PLEKHS1: variants seen among roughly 807,000 people sequenced by gnomAD.
PLEKHS1 encodes pleckstrin homology domain-containing family S member 1.
Under a neutral mutation model 51.0 loss-of-function variants are expected in PLEKHS1, and 55 were observed. That is an observed-to-expected ratio of 1.08 (90% CI 0.87 to 1.35). The LOEUF (loss-of-function observed/expected upper bound fraction) is 1.35. Among genes scored for constraint, PLEKHS1 ranks in the 40% most tolerant of loss-of-function variants. The pLI is 0.00. For synonymous variants in PLEKHS1, 153 were observed against 144.8 expected (o/e 1.06, Z -0.41); for missense variants, 398 against 423.0 (o/e 0.94, Z 0.52).
chr10:113,755,173 CCTGATACTCACTGACCAGCGGTG>C, intron 1 of PLEKHS1, 63 bp from the exon 2 acceptor site: 1 of 1,433,284 alleles, frequency 7.0e-7, no homozygotes. Context: ...TGAGCACAAT[CCTGATACTCACTGACCAGCGGTG>C]GCTGGTCAAT....
chr10:113,752,080 G>A (rs1226971360), intron 1 of PLEKHS1, among the ~76,000 whole-genome samples: 1 of 152,074 alleles, frequency 6.6e-6, no homozygotes. Flanking sequence ...TGGGGGCAAT[G>A]ACAAGAAAAA....
chr10:113,764,244 G>C (rs780739777), intron 2 of PLEKHS1, among the ~76,000 whole-genome samples: 6 of 152,030 alleles, frequency 3.9e-5, no homozygotes, highest in Non-Finnish European at 8.8e-5. Context: ...GGGACTACAG[G>C]CTTGCACCAC....
chr10:113,759,529 C>T (rs903899748), intron 2 of PLEKHS1, among the ~76,000 whole-genome samples: 3 of 152,212 alleles, frequency 2.0e-5, no homozygotes, highest in Non-Finnish European at 4.4e-5. Flanking sequence ...TGGAATCATA[C>T]AGCATACACC....
rs7895622 is a variant in PLEKHS1 at position 113,768,856 on chromosome 10, G to A, written c.401G>A (p.Arg134His). The change falls in exon 6 of 12, where the codon CGC becomes CAC. Residue 134 changes from arginine to histidine, a missense_variant. Coordinates refer to ENST00000361048, the Ensembl canonical transcript of PLEKHS1. ...TGGGTCTCCTTCATGTCATCATTTC[G>A]CCAGGATATAAAAGCAACACAGCAG... 6.8e-4 allele frequency: 1,104 copies of A among 1,613,478 alleles called. 9 individuals are homozygous for A. The African/African-American group carries it at 0.013, about 18-fold the overall frequency.
chr10:113,751,831 G>A (rs973641618), intron 1 of PLEKHS1, 70 bp downstream of exon 1: 2 of 152,188 alleles, frequency 1.3e-5, no homozygotes, highest in African/African-American at 4.8e-5. Flanking sequence ...TTTTGCAATT[G>A]AACAATTGCA....
intron 8 of PLEKHS1, among the ~76,000 whole-genome samples, chr10:113,773,451 A>AGT (rs1844508018): frequency 6.6e-6 from 1 of 152,218 alleles, no homozygotes; most frequent in Non-Finnish European, 1.5e-5. Context: ...TAAATAAGTA[A>AGT]AAAAACTATG....
chr10:113,754,106 C>A (rs1853983195), intron 1 of PLEKHS1, among the ~76,000 whole-genome samples: 1 of 152,144 alleles, frequency 6.6e-6, no homozygotes. Context: ...CTGCACCCAG[C>A]CTGAATATAT....
At chr10:113,760,809 A>C (rs1337911753) in intron 2 of PLEKHS1, among the ~76,000 whole-genome samples, 1 of 152,082 alleles carries the variant, frequency 6.6e-6, no homozygotes, top group Non-Finnish European at 1.5e-5. Context: ...AAAGTTTTTA[A>C]TTTTGATGAA....
intron 2 of PLEKHS1, among the ~76,000 whole-genome samples, chr10:113,762,524 T>A (rs1469596491): frequency 3.3e-5 from 5 of 151,906 alleles, no homozygotes; most frequent in Non-Finnish European, 5.9e-5. Flanking sequence ...CATCCACAAA[T>A]TCTGATACCT....
intron 7 of PLEKHS1, among the ~76,000 whole-genome samples, chr10:113,770,834 G>T (rs1313837250): frequency 2.0e-5 from 3 of 152,096 alleles, no homozygotes; most frequent in Non-Finnish European, 2.9e-5. Context: ...TCACACTATA[G>T]ATCCAGTGAT....
intron 2 of PLEKHS1, among the ~76,000 whole-genome samples, chr10:113,757,540 G>A (rs558146584): frequency 1.1e-4 from 16 of 152,326 alleles, no homozygotes; most frequent in African/African-American, 3.8e-4. Context: ...AATTATCTGA[G>A]CCTTCAGTGA....
At chr10:113,782,437 G>A (rs927750409), downstream of PLEKHS1, 1 of 152,114 alleles carries the variant, frequency 6.6e-6, no homozygotes, top group African/African-American at 2.4e-5. Flanking sequence ...ATGCTGATAC[G>A]GTTTGGATCT....
At chr10:113,776,619 T>C (rs894491299) in intron 11 of PLEKHS1, among the ~76,000 whole-genome samples, 11 of 152,202 alleles carry the variant, frequency 7.2e-5, no homozygotes, top group Admixed American at 4.6e-4. Flanking sequence ...CATTTATTTG[T>C]TCATTATATA....
chr10:113,775,717 G>A lies in PLEKHS1; in HGVS notation c.990-48G>A, dbSNP rs570947395. ...GTCTACTCAGAAAGTACAGTTGAGA[G>A]CCAAGGTCAGTTGCCTGATGTGACT... On this transcript the variant is annotated intron_variant, in intron 10 of 11. Transcript: ENST00000361048. The A allele has an allele frequency of 8.1e-6, 11 of 1,354,138 alleles. No homozygotes were observed. In the Admixed American group the frequency reaches 1.1e-4, roughly 13 times the overall value. The allele number at this position is 1,354,138 out of a possible 1,614,324, so 83.9% of individuals were successfully genotyped here. A position where few individuals can be genotyped will look rare whatever the true frequency, so the allele number is the denominator to read the frequency against.
rs756322331 is a variant in PLEKHS1 at position 113,777,142 on chromosome 10, C to T, written c.1091+1276C>T. 6.8e-6 allele frequency: 11 copies of T among 1,612,420 alleles called. No individual in the cohort carries two copies. The South Asian group carries it at 7.7e-5, about 11-fold the overall frequency. On this transcript the variant is annotated intron_variant, in intron 11 of 11. Transcript: ENST00000361048. Reference sequence around the variant, plus strand: ...ACTGCAGTGTGTCTCAGTGGGAAGGCCCCCCACGTTTGGGATGCATATTTT... The same window carrying T: ...ACTGCAGTGTGTCTCAGTGGGAAGGTCCCCCACGTTTGGGATGCATATTTT...
chr10:113,780,607 A>T (rs1329362277), exon 12 of PLEKHS1: 1 of 1,612,910 alleles, frequency 6.2e-7, no homozygotes. Context: ...TTTAGAAATT[A>T]AAGCTTACCA....
At chr10:113,767,533 C>G (rs1320762220) in intron 5 of PLEKHS1, 54 bp downstream of exon 5, 1 of 1,531,814 alleles carries the variant, frequency 6.5e-7, no homozygotes. Context: ...CAAAAACAAA[C>G]CAAAAAACAA....
At chr10:113,770,988 CA>C (rs1400425555) in intron 7 of PLEKHS1, among the ~76,000 whole-genome samples, 1 of 152,206 alleles carries the variant, frequency 6.6e-6, no homozygotes, top group Non-Finnish European at 1.5e-5. Context: ...AGAACTTAAA[CA>C]CACCTGTATT....
intron 8 of PLEKHS1, among the ~76,000 whole-genome samples, chr10:113,773,596 C>A (rs146624471): frequency 6.6e-6 from 1 of 152,156 alleles, no homozygotes; most frequent in South Asian, 2.1e-4. Context: ...GAAGAGAGCA[C>A]GAACATGGCG....
Sources: gnomAD v4.1 joint callset for allele counts (sites outside exome capture counted in the v4.1 genomes callset) on GRCh38, gnomAD v4.1.1 for gene constraint, MANE v1.5 for transcripts, NCBI Gene and HGNC (gene_info 2026-07-23, HGNC 2026-07-21) for gene names.